SLC25A24: variants seen among roughly 807,000 people sequenced by gnomAD.
SLC25A24 encodes the protein solute carrier family 25 member 24, also known as mitochondrial adenyl nucleotide antiporter SLC25A24.
A neutral mutation model predicts 60.7 loss-of-function variants in SLC25A24; 49 were observed. The ratio of observed to expected loss-of-function variants is 0.81; its 90% CI spans 0.64 to 1.02. The LOEUF (loss-of-function observed/expected upper bound fraction) is 1.02. SLC25A24 is among the 50% of genes least tolerant of loss of function. SLC25A24 has a pLI of 0.00. For synonymous variants in SLC25A24, 202 were observed against 200.6 expected, an observed-to-expected ratio of 1.01 and a Z score of -0.06; for missense variants, 564 against 586.3, an observed-to-expected ratio of 0.96 and a Z score of 0.39.
chr1:108,168,392 T>G (rs1647296779), intron 3 of SLC25A24, among the ~76,000 whole-genome samples: 1 of 152,208 alleles, frequency 6.6e-6, no homozygotes, highest in African/African-American at 2.4e-5. Flanking sequence ...CACATAAGCA[T>G]CCTCCACAAG....
rs1020800258 is a variant in SLC25A24, at chr1:108,192,340, T to C, written c.184-6386A>G. On this transcript the variant is annotated intron_variant, in intron 1 of 9. Transcript: ENST00000565488. ...CTTGAGAAATGTGTTAGCTGTGTTG[T>C]TATTCTTAATAAACGGTAACGCTGG... is the stretch of plus-strand genomic sequence containing the variant. Among the ~76,000 whole-genome samples the C allele has an allele frequency of 8.6e-5, 12 of 139,416 alleles. 1 individual carries two copies. Among genetic ancestry groups the C allele is most frequent in the African/African-American group, 3.0e-4 (12 of 40,134 alleles). 91.5% of individuals were successfully genotyped at this position (139,416 alleles called of 152,430 possible).
intron 3 of SLC25A24, among the ~76,000 whole-genome samples, chr1:108,176,588 T>C (rs193226467): frequency 3.5e-4 from 53 of 151,904 alleles, no homozygotes; most frequent in African/African-American, 1.1e-3. Flanking sequence ...AATCAAACTA[T>C]CAAAAATCAA....
At chr1:108,151,380 C>T (rs767042995) in intron 6 of SLC25A24, among the ~76,000 whole-genome samples, 46 of 152,278 alleles carry the variant, frequency 3.0e-4, no homozygotes, top group Middle Eastern at 3.4e-3. Flanking sequence ...TCACTTTAAG[C>T]TCATTTCAGC....
chr1:108,143,477 A>C, intron 8 of SLC25A24, 66 bp downstream of exon 8: 1 of 1,343,202 alleles, frequency 7.4e-7, no homozygotes, highest in Non-Finnish European at 1.0e-6. Flanking sequence ...CTACTTCTTC[A>C]TATAAAGTCC....
intron 3 of SLC25A24, among the ~76,000 whole-genome samples, chr1:108,179,231 A>C (rs544444341): frequency 6.6e-6 from 1 of 152,246 alleles, no homozygotes; most frequent in South Asian, 2.1e-4. Flanking sequence ...CCAAAGAGAC[A>C]AAAGATAACA....
intron 3 of SLC25A24, among the ~76,000 whole-genome samples, chr1:108,167,013 A>G (rs1348977387): frequency 6.6e-6 from 1 of 151,820 alleles, no homozygotes; most frequent in Non-Finnish European, 1.5e-5. Flanking sequence ...TCTAACAGAC[A>G]GGACCCTCAG....
intron 9 of SLC25A24, among the ~76,000 whole-genome samples, chr1:108,138,154 T>A (rs1679338091): frequency 6.6e-6 from 1 of 152,248 alleles, no homozygotes; most frequent in African/African-American, 2.4e-5. Flanking sequence ...AACCAGGTTG[T>A]TTACTTGCTG....
intron 1 of SLC25A24, among the ~76,000 whole-genome samples, chr1:108,186,239 G>C (rs1043810335): frequency 2.0e-5 from 3 of 152,032 alleles, no homozygotes; most frequent in African/African-American, 7.3e-5. Flanking sequence ...TAAATTTCTT[G>C]ACATGTACTT....
At chr1:108,140,372 C>T (rs1229558750) in intron 8 of SLC25A24, among the ~76,000 whole-genome samples, 3 of 152,078 alleles carry the variant, frequency 2.0e-5, no homozygotes. Context: ...CTTATCACCA[C>T]TAGACCGGCC....
chr1:108,176,862 A>G (rs1647690966), intron 3 of SLC25A24, among the ~76,000 whole-genome samples: 1 of 152,196 alleles, frequency 6.6e-6, no homozygotes. Context: ...ATTTTATAAG[A>G]AACGTAAAAG....
intron 4 of SLC25A24, among the ~76,000 whole-genome samples, chr1:108,159,256 A>T (rs2101615894): frequency 6.6e-6 from 1 of 152,314 alleles, no homozygotes; most frequent in East Asian, 1.9e-4. Context: ...AGATAAACAT[A>T]ATCTGACCAA....
intron 3 of SLC25A24, among the ~76,000 whole-genome samples, chr1:108,170,464 T>C (rs77086595): frequency 0.015 from 2,357 of 152,222 alleles, 22 homozygotes; most frequent in Non-Finnish European, 0.025. Flanking sequence ...TCCTATTACA[T>C]GCCCATTAAA....
At chr1:108,187,557 C>G (rs909944126) in intron 1 of SLC25A24, among the ~76,000 whole-genome samples, 1 of 152,054 alleles carries the variant, frequency 6.6e-6, no homozygotes, top group African/African-American at 2.4e-5. Context: ...CAAACGCCTA[C>G]AAAAACAACT....
chr1:108,198,922 T>C (rs112614188), intron 1 of SLC25A24: 13 of 152,126 alleles, frequency 8.5e-5, no homozygotes, highest in Admixed American at 2.6e-4. Context: ...GTACCAAAAG[T>C]TGGTTCCTTC....
intron 1 of SLC25A24, among the ~76,000 whole-genome samples, chr1:108,189,872 T>A (rs2152561): frequency 0.42 from 57,856 of 137,406 alleles, 11,569 homozygotes; most frequent in South Asian, 0.54. Flanking sequence ...AATTAAAAAA[T>A]ATATATATAT....
chr1:108,197,413 G>A (rs1037588973), intron 1 of SLC25A24, among the ~76,000 whole-genome samples: 1 of 152,156 alleles, frequency 6.6e-6, no homozygotes, highest in Non-Finnish European at 1.5e-5. Context: ...ATTTGGCTTA[G>A]ATACAAACTA....
At chr1:108,194,204 T>C (rs747920396) in intron 1 of SLC25A24, among the ~76,000 whole-genome samples, 4 of 137,754 alleles carry the variant, frequency 2.9e-5, no homozygotes, top group Admixed American at 1.7e-4. Flanking sequence ...TGGGAGGAGG[T>C]TGCACCATGG....
rs778208200 is a variant in SLC25A24 at position 108,147,547 on chromosome 1, A to G, written c.930+732T>C. Among the ~76,000 whole-genome samples, 69 of 152,082 alleles carry G rather than the reference A, an allele frequency of 4.5e-4. 1 individual carries two copies. The highest frequency in any genetic ancestry group is 1.2e-4 in the Non-Finnish European group (8 of 68,006). ...TTTCTCACTTTTTCCTGTGTTGCCCACTTTTTAAAAATGTAAAAGGCATTC... is the reference window on the plus strand; with the variant it reads ...TTTCTCACTTTTTCCTGTGTTGCCCGCTTTTTAAAAATGTAAAAGGCATTC... On this transcript the variant is annotated intron_variant, in intron 7 of 9. Transcript: ENST00000565488.
At chr1:108,181,299 C>CT (rs5776931) in intron 3 of SLC25A24, among the ~76,000 whole-genome samples, 109,636 of 152,038 alleles carry the variant, frequency 0.72, 40,208 homozygotes, top group African/African-American at 0.86. Flanking sequence ...TATAATTGTC[C>CT]TTTCTGTTTT....
Sources: allele counts gnomAD v4.1 joint callset (sites outside exome capture counted in the v4.1 genomes callset), GRCh38; gene constraint gnomAD v4.1.1; transcripts MANE v1.5; gene names NCBI Gene and HGNC (gene_info 2026-07-23, HGNC 2026-07-21).